Variants in PCDHA10 observed in about 807,000 individuals in gnomAD.
PCDHA10 encodes protocadherin alpha-10.
In PCDHA10, 45 loss-of-function variants were observed where a neutral mutation model predicts 61.2. The observed-to-expected ratio is 0.74, with a 90% CI of 0.58 to 0.94. PCDHA10 has a LOEUF of 0.94. Ranked by LOEUF, PCDHA10 falls within the 40% of genes least tolerant of loss-of-function variation. The pLI is 0.00. For synonymous variants in PCDHA10, 602 were observed against 548.8 expected (o/e 1.10, Z -1.35); for missense variants, 1,278 against 1,236.2 (o/e 1.03, Z -0.51).
intron 1 of PCDHA10, among the ~76,000 whole-genome samples, chr5:140,919,535 ACTTTT>A (rs1310340464): frequency 1.3e-5 from 2 of 151,732 alleles, no homozygotes; most frequent in Non-Finnish European, 2.9e-5. Flanking sequence ...TTTTTCCTAT[ACTTTT>A]CATTTACTGA....
intron 1 of PCDHA10, chr5:140,866,356 A>G (rs1554160259): frequency 6.6e-6 from 1 of 152,172 alleles, no homozygotes; most frequent in African/African-American, 2.4e-5. Flanking sequence ...AAATGTTTAC[A>G]ATATTGCATA....
intron 1 of PCDHA10, among the ~76,000 whole-genome samples, chr5:140,945,071 C>A (rs246061): frequency 0.56 from 85,726 of 151,850 alleles, 24,797 homozygotes; most frequent in African/African-American, 0.69. Context: ...CAGACTCCAC[C>A]AAAACACTCT....
chr5:140,958,116 T>G (rs2095410051), intron 1 of PCDHA10, among the ~76,000 whole-genome samples: 1 of 152,060 alleles, frequency 6.6e-6, no homozygotes, highest in African/African-American at 2.4e-5. Context: ...TGGTTCCATT[T>G]TGTAAAATGT....
Position 140,856,624 on chromosome 5 carries a change from G to T in PCDHA10, c.576G>T (p.Val192=). The T allele has an allele frequency of 6.3e-7, 1 of 1,597,992 alleles. No homozygotes were observed. The highest frequency in any genetic ancestry group is 8.6e-7 in the Non-Finnish European group (1 of 1,167,576). The change falls in exon 1 of 4, where the codon GTG becomes GTT. Residue 192 remains valine (V), a synonymous_variant. Coordinates refer to ENST00000307360, the MANE Select transcript of PCDHA10 (RefSeq NM_018901.4). ...AAAAAGACAAAGACAAATTCCCAGT[G>T]CTTGTTCTGCGGAAGCTGCTGGATC... The part of the protein sequence containing the change: ...INKKDKDKFP[V]LVLRKLLDRE...
intron 1 of PCDHA10, among the ~76,000 whole-genome samples, chr5:140,902,554 A>AT (rs1414683182): frequency 6.6e-6 from 1 of 151,896 alleles, no homozygotes; most frequent in East Asian, 1.9e-4. Context: ...CTATACCCAG[A>AT]TTTTTGAGGG....
chr5:140,862,711 G>T, intron 1 of PCDHA10: 2 of 561,474 alleles, frequency 3.6e-6, no homozygotes, highest in Admixed American at 3.8e-5. Flanking sequence ...ACAGCGGGTG[G>T]GCGAGTGCGC....
In PCDHA10 at chr5:140,993,460, T is replaced by TCCCA. The variant is rs1554253699; in HGVS notation, c.2536+10898_2536+10899insCCAC. On this transcript the variant is annotated intron_variant, in intron 3 of 3. Transcript: ENST00000307360. Reference sequence around the variant, plus strand: ...TTCATTCCTGTTCTCCTTCTTTCTTTCTCACACACACACACACACACACAC... The same window carrying TCCCA: ...TTCATTCCTGTTCTCCTTCTTTCTTTCCCACTCACACACACACACACACACACAC... Among the ~76,000 whole-genome samples, 30 of 104,506 alleles carry TCCCA rather than the reference T, an allele frequency of 2.9e-4. 1 individual carries two copies. The highest frequency in any genetic ancestry group is 1.1e-3 in the African/African-American group (29 of 25,484). The allele number at this position is 104,506 out of a possible 152,430, so 68.6% of individuals were successfully genotyped here.
intron 1 of PCDHA10, chr5:140,869,468 A>T (rs1221686748): frequency 1.9e-5 from 31 of 1,614,054 alleles, no homozygotes; most frequent in Non-Finnish European, 2.6e-5. Flanking sequence ...GTGAACGTGG[A>T]GGTGAAGGAC....
chr5:140,986,011 T>A (rs1172713730), intron 3 of PCDHA10, among the ~76,000 whole-genome samples: 1 of 152,184 alleles, frequency 6.6e-6, no homozygotes, highest in Non-Finnish European at 1.5e-5. Flanking sequence ...AGTGCTGGGA[T>A]TACAGGCGTG....
At position 140,857,274 on chromosome 5, in the gene PCDHA10, AC is replaced by A. The variant is rs782434085; in HGVS notation, c.1227del (p.Asp409GlufsTer16). 196 of 1,598,554 alleles carry A rather than the reference AC, an allele frequency of 1.2e-4. 15 individuals are homozygous for A. The highest frequency in any genetic ancestry group is 3.4e-5 in the Admixed American group (2 of 59,316). On this transcript the variant is annotated frameshift_variant, in exon 1 of 4. Transcript: ENST00000307360. LOFTEE classifies it high-confidence loss of function. ...AAGAATTACTACTCATTGGTGCTGG[AC>A]AGCGCTCTGGACCGCGAGAGGGTGT... ...TYKNYYSLVL[D>X]SALDRERVSA...
rs2044582609 is a variant in PCDHA10 at position 140,857,420 on chromosome 5, G to A, written c.1372G>A (p.Glu458Lys). 1.3e-6 allele frequency: 2 copies of A among 1,598,360 alleles called. No individual in the cohort carries two copies. Among genetic ancestry groups the A allele is most frequent in the Non-Finnish European group, 1.7e-6 (2 of 1,167,812 alleles). ...NDNAPAFAQS[E>K]YTVFVKENNP... Reference sequence around the variant, plus strand: ...CAACGCGCCTGCGTTCGCGCAGTCCGAGTACACGGTGTTCGTGAAGGAGAA... The same window carrying A: ...CAACGCGCCTGCGTTCGCGCAGTCCAAGTACACGGTGTTCGTGAAGGAGAA... Residue 458 changes from glutamate to lysine, a missense_variant, in exon 1 of 4, where the codon GAG (glutamate) becomes AAG (lysine). Physicochemically the swap from Glu to Lys is moderately conservative, Grantham distance 56. Transcript: ENST00000307360.
At chr5:140,964,401 G>A (rs1230382796) in intron 1 of PCDHA10, among the ~76,000 whole-genome samples, 6 of 152,166 alleles carry the variant, frequency 3.9e-5, no homozygotes, top group Admixed American at 2.0e-4. Flanking sequence ...CCCAAGACAT[G>A]ACATTTGGGG....
chr5:140,877,037 C>T lies in PCDHA10; in HGVS notation c.2388+18601C>T, dbSNP rs782624599. ...AGCGGCAAGGTGTACGCGCTGCAGC[C>T]GCTAGACCACGAGGAGCTGGAGCTG... On this transcript the variant is annotated intron_variant, in intron 1 of 3. Transcript: ENST00000307360. 6.8e-6 allele frequency: 11 copies of T among 1,612,374 alleles called. No individual in the cohort carries two copies. Among genetic ancestry groups the T allele is most frequent in the Admixed American group, 5.0e-5 (3 of 59,998 alleles).
At chr5:140,898,818 A>G (rs2066994592) in intron 1 of PCDHA10, among the ~76,000 whole-genome samples, 1 of 152,216 alleles carries the variant, frequency 6.6e-6, no homozygotes, top group Admixed American at 6.5e-5. Flanking sequence ...CTTCCTACCC[A>G]TGAGCATGGA....
At chr5:140,920,481 G>T (rs2079651233) in intron 1 of PCDHA10, among the ~76,000 whole-genome samples, 1 of 151,886 alleles carries the variant, frequency 6.6e-6, no homozygotes, top group Non-Finnish European at 1.5e-5. Context: ...TATGTTTTTG[G>T]TCCAACAATA....
At chr5:140,875,772 G>T (rs781933974) in intron 1 of PCDHA10, 2 of 1,614,136 alleles carry the variant, frequency 1.2e-6, no homozygotes, top group Non-Finnish European at 1.7e-6. Context: ...GGCGGAGCGC[G>T]GAGTGCAGTA....
In PCDHA10 at chr5:140,869,132, G is replaced by GCA. The variant is rs782288889; in HGVS notation, c.2388+10698_2388+10699dup. On this transcript the variant is annotated intron_variant, in intron 1 of 3. Transcript: ENST00000307360. ...TTTGGTTTTCAGAGAAGGGGATTGG[G>GCA]CACCCCACGACTACAGCTCTGGCTT... The GCA allele has an allele frequency of 1.9e-6, 3 of 1,612,054 alleles. No homozygotes were observed. The Admixed American group carries it at 5.0e-5, about 27-fold the overall frequency.
chr5:140,968,702 A>G, intron 1 of PCDHA10: 3 of 1,614,178 alleles, frequency 1.9e-6, no homozygotes, highest in Non-Finnish European at 2.5e-6. Flanking sequence ...TAGGACTACC[A>G]GGAAGATGGG....
At chr5:140,869,892 A>G in intron 1 of PCDHA10, 1 of 1,610,608 alleles carries the variant, frequency 6.2e-7, no homozygotes, top group Non-Finnish European at 8.5e-7. Context: ...TTGTGCTCAA[A>G]CTAAACGCCA....
Sources: gnomAD v4.1 joint callset for allele counts (sites outside exome capture counted in the v4.1 genomes callset) on GRCh38, gnomAD v4.1.1 for gene constraint, MANE v1.5 for transcripts, NCBI Gene and HGNC (gene_info 2026-07-23, HGNC 2026-07-21) for gene names.